Variants in SLC25A21 observed in about 807,000 individuals in gnomAD.
SLC25A21 encodes solute carrier family 25 member 21, also known as mitochondrial 2-oxodicarboxylate carrier.
A neutral mutation model predicts 43.8 loss-of-function variants in SLC25A21; 47 were observed. The ratio of observed to expected loss-of-function variants is 1.07; its 90% CI spans 0.85 to 1.37. The LOEUF (loss-of-function observed/expected upper bound fraction) is 1.37, where lower values mean the gene tolerates loss of function less well. Ranked by LOEUF, SLC25A21 falls within the 40% of genes most tolerant of loss-of-function variation. SLC25A21 has a pLI of 0.00. For missense variants in SLC25A21, 352 were observed against 350.2 expected, an observed-to-expected ratio of 1.00 and a Z score of -0.04; for synonymous variants, 131 against 121.3, an observed-to-expected ratio of 1.08 and a Z score of -0.52.
chr14:36,907,140 G>A (rs190474887), intron 1 of SLC25A21, among the ~76,000 whole-genome samples: 5 of 152,202 alleles, frequency 3.3e-5, no homozygotes, highest in Admixed American at 1.3e-4. Context: ...TGCTATGGAG[G>A]ACACCAAAAT....
At chr14:36,723,436 T>G (rs1165420026) in intron 6 of SLC25A21, among the ~76,000 whole-genome samples, 2 of 152,266 alleles carry the variant, frequency 1.3e-5, no homozygotes, top group African/African-American at 4.8e-5. Flanking sequence ...TATTTTATAA[T>G]GCATCTAATT....
chr14:37,109,721 G>T (rs564319003), intron 1 of SLC25A21, among the ~76,000 whole-genome samples: 1 of 152,234 alleles, frequency 6.6e-6, no homozygotes, highest in Admixed American at 6.5e-5. Flanking sequence ...ACTTTGTCAT[G>T]ATTCCTAAGG....
chr14:36,754,015 TC>T (rs1566575851), intron 3 of SLC25A21, among the ~76,000 whole-genome samples: 1 of 151,870 alleles, frequency 6.6e-6, no homozygotes, highest in Non-Finnish European at 1.5e-5. Flanking sequence ...CCTGCTTTGA[TC>T]CCAGATCCAT....
intron 1 of SLC25A21, among the ~76,000 whole-genome samples, chr14:36,993,036 T>A (rs909362723): frequency 1.3e-5 from 2 of 152,318 alleles, no homozygotes; most frequent in Admixed American, 1.3e-4. Flanking sequence ...CAGCCAAAAA[T>A]TTGCCTATGC....
chr14:37,026,394 T>C (rs975875518), intron 1 of SLC25A21, among the ~76,000 whole-genome samples: 1 of 152,122 alleles, frequency 6.6e-6, no homozygotes, highest in Admixed American at 6.6e-5. Flanking sequence ...TCTTTCTTAC[T>C]GGCAACAAAA....
At chr14:36,987,053 G>T (rs1194808729) in intron 1 of SLC25A21, among the ~76,000 whole-genome samples, 1 of 152,168 alleles carries the variant, frequency 6.6e-6, no homozygotes, top group African/African-American at 2.4e-5. Flanking sequence ...TGAGACTAGA[G>T]AAATTATTGG....
At chr14:37,027,416 C>T (rs1251791268) in intron 1 of SLC25A21, among the ~76,000 whole-genome samples, 1 of 152,080 alleles carries the variant, frequency 6.6e-6, no homozygotes, top group Non-Finnish European at 1.5e-5. Context: ...AGGCATTGAC[C>T]TCAGAAGACT....
intron 1 of SLC25A21, among the ~76,000 whole-genome samples, chr14:36,971,717 A>C (rs1959754101): frequency 1.3e-5 from 2 of 151,966 alleles, no homozygotes; most frequent in African/African-American, 4.8e-5. Context: ...TCCATGTCCT[A>C]ATCTTCTTGG....
intron 1 of SLC25A21, among the ~76,000 whole-genome samples, chr14:37,105,887 T>C (rs1481494347): frequency 1.3e-5 from 2 of 152,132 alleles, no homozygotes; most frequent in African/African-American, 4.8e-5. Context: ...CCAATAATGC[T>C]ACATATTGTT....
Position 36,775,196 on chromosome 14 carries a change from T to C in SLC25A21, c.203+38722A>G, listed in dbSNP as rs182224967. ...GTCCCATAGGACTTATAAAAAGAAGTATGTTCGCTTTACTGAAAGGGTGAG... is the reference window on the plus strand; with the variant it reads ...GTCCCATAGGACTTATAAAAAGAAGCATGTTCGCTTTACTGAAAGGGTGAG... On this transcript the variant is annotated intron_variant, in intron 3 of 9. Transcript: ENST00000331299. Among the ~76,000 whole-genome samples, 13 of 152,288 alleles carry C rather than the reference T, an allele frequency of 8.5e-5. No homozygotes were observed. The East Asian group carries it at 2.5e-3, about 29-fold the overall frequency.
intron 1 of SLC25A21, among the ~76,000 whole-genome samples, chr14:37,116,398 A>T (rs1455411899): frequency 6.6e-6 from 1 of 152,180 alleles, no homozygotes; most frequent in Non-Finnish European, 1.5e-5. Context: ...ATGGTACTAC[A>T]AGGCATATTT....
At chr14:36,758,381 T>C (rs1393410922) in intron 3 of SLC25A21, among the ~76,000 whole-genome samples, 2 of 152,042 alleles carry the variant, frequency 1.3e-5, no homozygotes, top group Non-Finnish European at 2.9e-5. Flanking sequence ...CCTGAGTGTT[T>C]GGCCACAGAA....
At chr14:37,072,815 A>G (rs1368164543) in intron 1 of SLC25A21, among the ~76,000 whole-genome samples, 1 of 152,234 alleles carries the variant, frequency 6.6e-6, no homozygotes, top group Admixed American at 6.5e-5. Context: ...ATCAGGAAAC[A>G]ATCTAGCAGG....
At chr14:36,779,410 C>CA in intron 3 of SLC25A21, among the ~76,000 whole-genome samples, 1 of 139,900 alleles carries the variant, frequency 7.1e-6, no homozygotes, top group African/African-American at 2.6e-5. Flanking sequence ...TAAACATATT[C>CA]TTATATATAT....
At chr14:37,062,551 G>C (rs1490816687) in intron 1 of SLC25A21, among the ~76,000 whole-genome samples, 1 of 152,110 alleles carries the variant, frequency 6.6e-6, no homozygotes, top group African/African-American at 2.4e-5. Flanking sequence ...TAGAAGACTT[G>C]AGAGGTATTC....
At chr14:36,825,446 G>A (rs1014373828) in intron 2 of SLC25A21, among the ~76,000 whole-genome samples, 5 of 152,152 alleles carry the variant, frequency 3.3e-5, no homozygotes, top group African/African-American at 1.2e-4. Flanking sequence ...GAATTAATCC[G>A]ACCTAGTAGC....
chr14:36,819,282 A>C (rs567736200), intron 2 of SLC25A21, among the ~76,000 whole-genome samples: 1 of 152,316 alleles, frequency 6.6e-6, no homozygotes, highest in African/African-American at 2.4e-5. Flanking sequence ...ATACTGAGTG[A>C]GTTACTGTGG....
chr14:37,071,508 A>T (rs1962168767), intron 1 of SLC25A21, among the ~76,000 whole-genome samples: 1 of 152,232 alleles, frequency 6.6e-6, no homozygotes, highest in African/African-American at 2.4e-5. Flanking sequence ...AGCAGCCCTG[A>T]GCTAGAAGGT....
intron 3 of SLC25A21, among the ~76,000 whole-genome samples, chr14:36,784,502 AG>A (rs1390108190): frequency 6.6e-6 from 1 of 152,176 alleles, no homozygotes; most frequent in African/African-American, 2.4e-5. Context: ...CGCCCCAGTG[AG>A]ATTTAAGGCT....
Sources: allele counts gnomAD v4.1 joint callset (sites outside exome capture counted in the v4.1 genomes callset), GRCh38; gene constraint gnomAD v4.1.1; transcripts MANE v1.5; gene names NCBI Gene and HGNC (gene_info 2026-07-23, HGNC 2026-07-21).